The following ANP32B variants were observed in gnomAD, a reference collection of about 807,000 sequenced individuals.
ANP32B encodes the protein acidic leucine-rich nuclear phosphoprotein 32 family member B.
ANP32B carries 6 observed loss-of-function variants against 32.2 expected under a neutral mutation model. The ratio of observed to expected loss-of-function variants is 0.19; its 90% CI spans 0.10 to 0.37. The LOEUF is 0.37. ANP32B is among the 10% of genes least tolerant of loss of function. The pLI, the probability that ANP32B is intolerant of heterozygous loss-of-function variation, is 1.00. For missense variants in ANP32B, 204 were observed against 289.2 expected (o/e 0.71, Z 2.14); for synonymous variants, 98 against 105.8 (o/e 0.93, Z 0.45).
At chr9:97,994,831 AT>A (rs1310332796) in intron 2 of ANP32B, 51 bp downstream of exon 2, 16 of 1,529,718 alleles carry the variant, frequency 1.0e-5, no homozygotes, top group Non-Finnish European at 1.4e-5. Context: ...GGAAGGGAAA[AT>A]GTATGATTTT....
At chr9:98,005,685 A>C (rs1057433759) in intron 4 of ANP32B, among the ~76,000 whole-genome samples, 1 of 152,194 alleles carries the variant, frequency 6.6e-6, no homozygotes, top group African/African-American at 2.4e-5. Context: ...AGCCTCCCCA[A>C]GTGGTGGGAT....
chr9:98,012,595 T>G (rs1828204902), intron 6 of ANP32B, 123 bp downstream of exon 6: 8 of 1,398,018 alleles, frequency 5.7e-6, no homozygotes, highest in Non-Finnish European at 6.8e-6. Flanking sequence ...GTTTACACAT[T>G]CACATTCTCG....
intron 4 of ANP32B, among the ~76,000 whole-genome samples, chr9:98,007,016 C>T (rs1828097423): frequency 6.6e-6 from 1 of 152,018 alleles, no homozygotes; most frequent in South Asian, 2.1e-4. Context: ...AAAAAAACTG[C>T]TTCACCACTT....
rs536116718 is a variant in ANP32B at position 97,983,688 on chromosome 9, G to A, written c.54+79G>A. 548 of 1,201,306 alleles carry A rather than the reference G, an allele frequency of 4.6e-4. 2 individuals carry two copies. In the African/African-American group the frequency reaches 7.3e-3, roughly 16 times the overall value. 74.4% of individuals were successfully genotyped at this position (1,201,306 alleles called of 1,614,324 possible). ...TGGCCACCTGCGGGGCCCGGGCTGA[G>A]GGTTCGCCGGCCCCGGCGCGGGGAA... On this transcript the variant is annotated intron_variant, in intron 1 of 6. Transcript: ENST00000339399.
At chr9:98,007,574 CTT>C (rs1466433996) in intron 4 of ANP32B, among the ~76,000 whole-genome samples, 1 of 152,188 alleles carries the variant, frequency 6.6e-6, no homozygotes, top group Non-Finnish European at 1.5e-5. Flanking sequence ...CTATTCAAGT[CTT>C]TTGAACGATT....
At chr9:98,013,814 C>T (rs1239001798) in intron 6 of ANP32B, among the ~76,000 whole-genome samples, 1 of 151,884 alleles carries the variant, frequency 6.6e-6, no homozygotes, top group Non-Finnish European at 1.5e-5. Flanking sequence ...TGAGGTCATG[C>T]CACTGCACTG....
At chr9:97,985,080 G>A (rs1282848443) in intron 1 of ANP32B, among the ~76,000 whole-genome samples, 1 of 148,498 alleles carries the variant, frequency 6.7e-6, no homozygotes, top group Non-Finnish European at 1.5e-5. Context: ...CCCCCCCGCC[G>A]CGGACCGGCG....
chr9:97,983,737 G>T (rs558672953), intron 1 of ANP32B, 128 bp downstream of exon 1: 8 of 663,292 alleles, frequency 1.2e-5, no homozygotes, highest in Non-Finnish European at 4.5e-6. Context: ...GGGCTCGGAC[G>T]GGGAAGGCGG....
intron 1 of ANP32B, among the ~76,000 whole-genome samples, chr9:97,988,165 T>C (rs1035087899): frequency 6.6e-6 from 1 of 152,038 alleles, no homozygotes; most frequent in Admixed American, 6.5e-5. Context: ...ACAGTCAACA[T>C]CTTTGTGTGT....
rs770160576 is a variant in ANP32B at position 97,983,550 on chromosome 9, G to A, written c.-6G>A. 3.2e-6 allele frequency: 5 copies of A among 1,577,110 alleles called. No individual in the cohort carries two copies. Among genetic ancestry groups the A allele is most frequent in the Non-Finnish European group, 4.3e-6 (5 of 1,162,480 alleles). ...GTTAAGTTTGAAGAGGGGGGAAGAGGGGAACATGGACATGAAGAGGAGGAT... is the reference window on the plus strand; with the variant it reads ...GTTAAGTTTGAAGAGGGGGGAAGAGAGGAACATGGACATGAAGAGGAGGAT... On this transcript the variant is annotated 5_prime_UTR_variant, in exon 1 of 7. Transcript: ENST00000339399.
intron 6 of ANP32B, among the ~76,000 whole-genome samples, chr9:98,013,280 G>A (rs1828218827): frequency 6.6e-6 from 1 of 152,124 alleles, no homozygotes; most frequent in Non-Finnish European, 1.5e-5. Context: ...ACCCACCTCG[G>A]CCTCCCAAAT....
Position 97,983,573 on chromosome 9 carries a change from G to A in ANP32B, c.18G>A (p.Arg6=), listed in dbSNP as rs1827634350. 3.8e-6 allele frequency: 6 copies of A among 1,587,184 alleles called. No homozygotes were observed. The highest frequency in any genetic ancestry group is 5.1e-6 in the Non-Finnish European group (6 of 1,167,698). MDMKR[R]IHLELRNRTP... is the part of the protein sequence containing the mutation. ...AGGGGAACATGGACATGAAGAGGAGGATCCACCTGGAGCTGAGGAACCGGA... is the reference window on the plus strand; with the variant it reads ...AGGGGAACATGGACATGAAGAGGAGAATCCACCTGGAGCTGAGGAACCGGA... Residue 6 remains arginine (R), a synonymous_variant, in exon 1 of 7, where the codon AGG becomes AGA. Coordinates refer to ENST00000339399, the MANE Select transcript of ANP32B (RefSeq NM_006401.3).
intron 1 of ANP32B, among the ~76,000 whole-genome samples, chr9:97,991,113 G>A (rs968931885): frequency 6.7e-6 from 1 of 148,272 alleles, no homozygotes; most frequent in African/African-American, 2.5e-5. Context: ...GTGAGCCACC[G>A]TGCCCAGCCA....
At chr9:97,995,628 A>G (rs1827891427) in intron 2 of ANP32B, among the ~76,000 whole-genome samples, 2 of 152,116 alleles carry the variant, frequency 1.3e-5, no homozygotes. Context: ...TGGGTTAAGT[A>G]TAATACATGA....
intron 6 of ANP32B, among the ~76,000 whole-genome samples, chr9:98,012,806 C>T (rs1011354337): frequency 1.4e-4 from 22 of 152,248 alleles, no homozygotes; most frequent in Admixed American, 1.4e-3. Context: ...TCTCGGCTCA[C>T]TGCAAGTTCC....
rs377406514 is a variant in ANP32B at position 98,005,018 on chromosome 9, C to G, written c.382C>G (p.Leu128Val). 6.2e-7 allele frequency: 1 copy of G among 1,613,908 alleles called. No homozygotes were observed. The highest frequency in any genetic ancestry group is 8.5e-7 in the Non-Finnish European group (1 of 1,179,936). The change falls in exon 4 of 7, where the codon CTG becomes GTG. Residue 128 changes from leucine to valine, a missense_variant. By Grantham distance (32) the Leu-to-Val change is conservative. Coordinates refer to ENST00000339399, the MANE Select transcript of ANP32B (RefSeq NM_006401.3). ...LDLFNCEVTN[L>V]NDYRESVFKL... ...CCTCTTTAACTGTGAGGTTACCAACCTGAATGACTACCGAGAGAGTGTCTT... is the reference window on the plus strand; with the variant it reads ...CCTCTTTAACTGTGAGGTTACCAACGTGAATGACTACCGAGAGAGTGTCTT...
intron 4 of ANP32B, among the ~76,000 whole-genome samples, chr9:98,009,470 G>A (rs1828143238): frequency 2.0e-5 from 3 of 152,240 alleles, no homozygotes; most frequent in South Asian, 2.1e-4. Flanking sequence ...GGGGTTGGGG[G>A]CGGCAGCTGA....
At chr9:97,987,901 C>T (rs1237209958) in intron 1 of ANP32B, among the ~76,000 whole-genome samples, 1 of 152,090 alleles carries the variant, frequency 6.6e-6, no homozygotes, top group South Asian at 2.1e-4. Flanking sequence ...TAGTTGGTTG[C>T]ATAGCAACTA....
At chr9:97,987,913 T>C (rs1484277147) in intron 1 of ANP32B, among the ~76,000 whole-genome samples, 1 of 152,174 alleles carries the variant, frequency 6.6e-6, no homozygotes, top group Non-Finnish European at 1.5e-5. Context: ...TAGCAACTAA[T>C]TGGGGTTTTT....
Sources: allele counts gnomAD v4.1 joint callset (sites outside exome capture counted in the v4.1 genomes callset), GRCh38; gene constraint gnomAD v4.1.1; transcripts MANE v1.5; gene names NCBI Gene and HGNC (gene_info 2026-07-23, HGNC 2026-07-21).